NUP98: variants seen among roughly 807,000 people sequenced by gnomAD.
NUP98 encodes the protein nuclear pore complex protein Nup98-Nup96.
Under a neutral mutation model 191.9 loss-of-function variants are expected in NUP98, and 26 were observed. The observed-to-expected ratio is 0.14, with a 90% CI of 0.10 to 0.19. NUP98 has a LOEUF of 0.19. Ranked by LOEUF, NUP98 falls within the 10% of genes least tolerant of loss-of-function variation. The pLI is 1.00. For missense variants in NUP98, 1,941 were observed against 2,178.8 expected, an observed-to-expected ratio of 0.89 and a Z score of 2.17; for synonymous variants, 808 against 778.4, an observed-to-expected ratio of 1.04 and a Z score of -0.63.
At chr11:3,749,976 A>C (rs1387410933) in intron 11 of NUP98, among the ~76,000 whole-genome samples, 1 of 152,230 alleles carries the variant, frequency 6.6e-6, no homozygotes, top group Non-Finnish European at 1.5e-5. Flanking sequence ...AATTTGATGT[A>C]TCAATCCTAC....
chr11:3,736,104 T>C (rs1466857682), intron 12 of NUP98, among the ~76,000 whole-genome samples: 3 of 128,168 alleles, frequency 2.3e-5, no homozygotes, highest in Non-Finnish European at 5.2e-5. Flanking sequence ...GTGTGTTTTG[T>C]TTTTTTTTTC....
intron 2 of NUP98, among the ~76,000 whole-genome samples, chr11:3,780,851 G>A (rs567159753): frequency 3.7e-4 from 56 of 151,972 alleles, no homozygotes; most frequent in Non-Finnish European, 6.2e-4. Flanking sequence ...AGGCCGAGGC[G>A]GGCAGATTGC....
chr11:3,699,874 G>C (rs770655869), intron 24 of NUP98, among the ~76,000 whole-genome samples: 24 of 152,170 alleles, frequency 1.6e-4, no homozygotes, highest in Non-Finnish European at 2.8e-4. Flanking sequence ...TAAACAAAAT[G>C]ATTTTTCTAC....
intron 25 of NUP98, among the ~76,000 whole-genome samples, chr11:3,697,820 TAAAA>T (rs199874258): frequency 0.1 from 10,086 of 96,922 alleles, 472 homozygotes; most frequent in Non-Finnish European, 0.13. Flanking sequence ...GACTCTGTCT[TAAAA>T]AAAAAAAAAA....
At chr11:3,701,851 A>C (rs558228159) in intron 23 of NUP98, among the ~76,000 whole-genome samples, 12 of 151,584 alleles carry the variant, frequency 7.9e-5, no homozygotes, top group Admixed American at 3.3e-4. Context: ...ACGCCCAGCT[A>C]ATTTTTTTTG....
rs2081960274 is a variant in NUP98 at position 3,781,346 on chromosome 11, T to C, written c.76+696A>G. 3 of 151,902 alleles carry C rather than the reference T, an allele frequency of 2.0e-5. No homozygotes were observed. The South Asian group carries it at 6.2e-4, about 31-fold the overall frequency. The allele number at this position is 151,902 out of a possible 1,614,324, so 9.4% of individuals were successfully genotyped here. A position where few individuals can be genotyped will look rare whatever the true frequency, so the allele number is the denominator to read the frequency against. On this transcript the variant is annotated intron_variant, in intron 2 of 32. Coordinates refer to ENST00000324932, the MANE Select transcript of NUP98 (RefSeq NM_016320.5). ...AGTTGGGATATAAGTACATGAGAGT[T>C]CATTATACCATTCTTTCCAGACTTG...
At chr11:3,722,308 G>A (rs1035922791) in intron 16 of NUP98, among the ~76,000 whole-genome samples, 1 of 151,516 alleles carries the variant, frequency 6.6e-6, no homozygotes, top group Non-Finnish European at 1.5e-5. Flanking sequence ...TAGATATCAG[G>A]TCTTGCTATG....
At chr11:3,746,370 A>G in intron 11 of NUP98, among the ~76,000 whole-genome samples, 1 of 151,772 alleles carries the variant, frequency 6.6e-6, no homozygotes, top group East Asian at 1.9e-4. Flanking sequence ...TCCAAGAAAT[A>G]CTAAAATTAT....
intron 20 of NUP98, among the ~76,000 whole-genome samples, chr11:3,707,567 G>C (rs1011218951): frequency 1.1e-4 from 16 of 150,046 alleles, no homozygotes; most frequent in Admixed American, 1.1e-3. Context: ...GGCCAACATG[G>C]TGGTGAAACT....
At chr11:3,764,540 G>A (rs571324820) in intron 8 of NUP98, among the ~76,000 whole-genome samples, 68 of 152,148 alleles carry the variant, frequency 4.5e-4, no homozygotes, top group Non-Finnish European at 6.5e-4. Context: ...TACCAGCAAT[G>A]TATGAGGGTT....
intron 25 of NUP98, among the ~76,000 whole-genome samples, chr11:3,698,418 C>T (rs1179792181): frequency 6.6e-6 from 1 of 151,630 alleles, no homozygotes; most frequent in African/African-American, 2.4e-5. Context: ...GTTTAAGGTC[C>T]TAAAAAAAGA....
At chr11:3,773,557 C>T (rs2081603989) in intron 6 of NUP98, 75 bp downstream of exon 6, 3 of 942,952 alleles carry the variant, frequency 3.2e-6, no homozygotes, top group South Asian at 3.4e-5. Flanking sequence ...TAAAGAAAAT[C>T]AAAACCATTT....
chr11:3,727,865 T>TA (rs1035863788), intron 14 of NUP98, among the ~76,000 whole-genome samples: 5 of 151,048 alleles, frequency 3.3e-5, no homozygotes, highest in Non-Finnish European at 7.4e-5. Context: ...CTCTACAAAA[T>TA]AAAAAAAATT....
intron 14 of NUP98, among the ~76,000 whole-genome samples, chr11:3,728,431 T>G (rs1401919278): frequency 6.6e-6 from 1 of 151,632 alleles, no homozygotes; most frequent in Middle Eastern, 3.2e-3. Flanking sequence ...TGCAAAAGAG[T>G]AAGAGTAAAA....
rs376215135 is a variant in NUP98 at position 3,683,267 on chromosome 11, G to A, written c.4851C>T (p.Ala1617=). 6.2e-7 allele frequency: 1 copy of A among 1,614,088 alleles called. No individual in the cohort carries two copies. Among genetic ancestry groups the A allele is most frequent in the Non-Finnish European group, 8.5e-7 (1 of 1,180,018 alleles). The change falls in exon 30 of 33, where the codon GCC becomes GCT. Residue 1617 remains alanine (A), a synonymous_variant. Transcript: ENST00000324932. The part of the protein sequence containing the change: ...AHMESDKHLE[A]LCLFKAEHWN... ...AGTGCTCAGCCTTAAATAAGCAAAGGGCCTCTAAGTGCTTGTCAGATTCCA... is the reference window on the plus strand; with the variant it reads ...AGTGCTCAGCCTTAAATAAGCAAAGAGCCTCTAAGTGCTTGTCAGATTCCA...
At chr11:3,710,691 T>C (rs959563617) in intron 20 of NUP98, among the ~76,000 whole-genome samples, 3 of 152,192 alleles carry the variant, frequency 2.0e-5, no homozygotes, top group Non-Finnish European at 4.4e-5. Context: ...AAGTAAAATG[T>C]AGGGTCTTTG....
intron 12 of NUP98, among the ~76,000 whole-genome samples, chr11:3,736,164 T>C (rs997039037): frequency 3.3e-5 from 5 of 152,022 alleles, no homozygotes; most frequent in Non-Finnish European, 4.4e-5. Context: ...ACTCCTGAAA[T>C]TGAACTATCT....
rs778444540 is a variant in NUP98, at chr11:3,693,339, A to G, written c.4204T>C (p.Cys1402Arg). The G allele has an allele frequency of 3.1e-6, 5 of 1,614,216 alleles. No individual in the cohort carries two copies. The highest frequency in any genetic ancestry group is 4.2e-6 in the Non-Finnish European group (5 of 1,180,034). Residue 1402 changes from cysteine (C) to arginine (R), a missense_variant, in exon 27 of 33, where the codon TGC becomes CGC. By Grantham distance (180) the Cys-to-Arg change is radical. Coordinates refer to ENST00000324932, the MANE Select transcript of NUP98 (RefSeq NM_016320.5). ...QLSEKKQINVCSQLDWKRSLA... is the reference protein window; with the variant it reads ...QLSEKKQINVRSQLDWKRSLA... ...GAGCGTTTCCAATCCAACTGGGAGC[A>G]CACGTTTATTTGCTTCTTTTCTGAG...
At chr11:3,681,733 T>C (rs1305595393) in intron 30 of NUP98, among the ~76,000 whole-genome samples, 2 of 152,152 alleles carry the variant, frequency 1.3e-5, no homozygotes, top group Non-Finnish European at 2.9e-5. Context: ...GCAGAGTAGA[T>C]TCAGCATAAT....
Sources: gnomAD v4.1 joint callset for allele counts (sites outside exome capture counted in the v4.1 genomes callset) on GRCh38, gnomAD v4.1.1 for gene constraint, MANE v1.5 for transcripts, NCBI Gene and HGNC (gene_info 2026-07-23, HGNC 2026-07-21) for gene names.